PCDH17: variants seen among roughly 807,000 people sequenced by gnomAD.
PCDH17 encodes protocadherin 17.
In PCDH17, 21 loss-of-function variants were observed where a neutral mutation model predicts 67.7. That is an observed-to-expected ratio of 0.31 (90% CI 0.22 to 0.45). PCDH17 has a LOEUF of 0.45. Among genes scored for constraint, PCDH17 ranks in the 20% least tolerant of loss-of-function variants. The pLI, the probability that PCDH17 is intolerant of heterozygous loss-of-function variation, is 1.00. For missense variants in PCDH17, 1,471 were observed against 1,564.8 expected (o/e 0.94, Z 1.01); for synonymous variants, 701 against 656.7 (o/e 1.07, Z -1.03).
In PCDH17 at chr13:57,632,440, G is replaced by C. The variant is rs1954737587; in HGVS notation, c.-107G>C. On this transcript the variant is annotated 5_prime_UTR_variant, in exon 1 of 4. Coordinates refer to ENST00000377918, the MANE Select transcript of PCDH17 (RefSeq NM_001040429.3). ...GAGGGAAAAAAGGACCCATAGACTT[G>C]TGGCTCGCGTCGCGCGCGCACGCTG... The C allele has an allele frequency of 3.5e-6, 4 of 1,140,940 alleles. No homozygotes were observed. In the South Asian group the frequency reaches 6.3e-5, roughly 18 times the overall value. 70.7% of individuals were successfully genotyped at this position (1,140,940 alleles called of 1,614,324 possible). A position where few individuals can be genotyped will look rare whatever the true frequency, so the allele number is the denominator to read the frequency against.
intron 3 of PCDH17, among the ~76,000 whole-genome samples, chr13:57,701,872 T>A (rs549250136): frequency 6.6e-6 from 1 of 152,166 alleles, no homozygotes; most frequent in South Asian, 2.1e-4. Flanking sequence ...TTATTTTAAG[T>A]GTATTAAAGT....
chr13:57,721,747 C>T (rs930411915), intron 3 of PCDH17, among the ~76,000 whole-genome samples: 5 of 152,032 alleles, frequency 3.3e-5, no homozygotes, highest in African/African-American at 1.2e-4. Flanking sequence ...TCTCGTTTCC[C>T]TCCTTCCCTT....
chr13:57,690,973 T>A (rs1955553194), intron 3 of PCDH17, among the ~76,000 whole-genome samples: 1 of 151,456 alleles, frequency 6.6e-6, no homozygotes, highest in Non-Finnish European at 1.5e-5. Flanking sequence ...GCAGAATCAT[T>A]TTACAGACAT....
intron 1 of PCDH17, among the ~76,000 whole-genome samples, chr13:57,655,075 T>TA (rs1389998875): frequency 1.3e-5 from 2 of 151,932 alleles, no homozygotes; most frequent in African/African-American, 4.8e-5. Context: ...TTTATAGTCA[T>TA]AAAAAAGTAA....
chr13:57,650,773 T>C (rs769984819), intron 1 of PCDH17, among the ~76,000 whole-genome samples: 6 of 152,186 alleles, frequency 3.9e-5, no homozygotes, highest in African/African-American at 1.2e-4. Flanking sequence ...GTTGAACTTA[T>C]AGAGTTCAAT....
intron 1 of PCDH17, among the ~76,000 whole-genome samples, chr13:57,655,329 A>T (rs1593904690): frequency 6.6e-6 from 1 of 151,934 alleles, no homozygotes; most frequent in African/African-American, 2.4e-5. Context: ...ATGATTTAAT[A>T]TTTTGAGATG....
At chr13:57,644,536 G>A (rs1566218855) in intron 1 of PCDH17, among the ~76,000 whole-genome samples, 1 of 150,684 alleles carries the variant, frequency 6.6e-6, no homozygotes, top group Non-Finnish European at 1.5e-5. Flanking sequence ...TAAAAAAAAA[G>A]AAACATAATT....
intron 3 of PCDH17, among the ~76,000 whole-genome samples, chr13:57,676,943 C>G (rs570367724): frequency 6.6e-6 from 1 of 151,852 alleles, no homozygotes; most frequent in Non-Finnish European, 1.5e-5. Flanking sequence ...CAATGTATAA[C>G]TTTTCAAGCT....
chr13:57,697,774 AT>A (rs879888586), intron 3 of PCDH17, among the ~76,000 whole-genome samples: 2,916 of 145,482 alleles, frequency 0.02, 71 homozygotes, highest in African/African-American at 0.061. Context: ...AACAAAAGTG[AT>A]TTTTTTTTTT....
intron 3 of PCDH17, among the ~76,000 whole-genome samples, chr13:57,689,911 A>G (rs1405177304): frequency 6.6e-6 from 1 of 151,892 alleles, no homozygotes; most frequent in African/African-American, 2.4e-5. Context: ...TGCAGATAAT[A>G]TACTGTTAAA....
At chr13:57,673,307 G>T (rs1955347069) in intron 3 of PCDH17, among the ~76,000 whole-genome samples, 1 of 151,926 alleles carries the variant, frequency 6.6e-6, no homozygotes, top group Non-Finnish European at 1.5e-5. Context: ...TTGTTATCTT[G>T]CTATGCTTTA....
At chr13:57,654,612 A>T (rs1955082023) in intron 1 of PCDH17, among the ~76,000 whole-genome samples, 1 of 152,068 alleles carries the variant, frequency 6.6e-6, no homozygotes, top group African/African-American at 2.4e-5. Flanking sequence ...CAAAGAAAAA[A>T]TTGGAGATGC....
chr13:57,700,379 C>T (rs4303373), intron 3 of PCDH17, among the ~76,000 whole-genome samples: 58,469 of 148,470 alleles, frequency 0.39, 12,031 homozygotes, highest in East Asian at 0.57. Flanking sequence ...ATTGCAGTGG[C>T]GTGATCTTGG....
In PCDH17 at chr13:57,632,977, A is replaced by G; in HGVS notation, c.431A>G (p.Asn144Ser). 6.2e-7 allele frequency: 1 copy of G among 1,613,482 alleles called. No homozygotes were observed. The highest frequency in any genetic ancestry group is 2.2e-5 in the East Asian group (1 of 44,834). Residue 144 changes from asparagine to serine, a missense_variant, in exon 1 of 4, where the codon AAC (asparagine) becomes AGC (serine). Transcript: ENST00000377918. ...SDQIEMDISE[N>S]AAPGTRFPLT... is the part of the protein sequence containing the mutation. ...CAGATCGAAATGGACATCTCGGAGA[A>G]CGCTGCTCCGGGCACCCGCTTCCCC...
intron 1 of PCDH17, among the ~76,000 whole-genome samples, chr13:57,659,581 T>A (rs1226195759): frequency 6.6e-6 from 1 of 152,186 alleles, no homozygotes; most frequent in Admixed American, 6.5e-5. Context: ...AATACTCTTA[T>A]ATTATCTTAA....
chr13:57,697,680 T>C (rs1022204954), intron 3 of PCDH17, among the ~76,000 whole-genome samples: 3 of 151,596 alleles, frequency 2.0e-5, no homozygotes, highest in African/African-American at 7.2e-5. Context: ...AAAAATGGTA[T>C]TTAGAAGAAA....
At position 57,634,960 on chromosome 13, in the gene PCDH17, C is replaced by T; in HGVS notation, c.2414C>T (p.Pro805Leu). The T allele has an allele frequency of 1.2e-6, 2 of 1,613,946 alleles. No individual in the cohort carries two copies. The highest frequency in any genetic ancestry group is 1.7e-6 in the Non-Finnish European group (2 of 1,179,994). The change falls in exon 1 of 4, where the codon CCC becomes CTC. Residue 805 changes from proline (P) to leucine (L), a missense_variant. Pro to Leu is a moderately conservative substitution (Grantham distance 98, BLOSUM62 -3). Coordinates refer to ENST00000377918, the MANE Select transcript of PCDH17 (RefSeq NM_001040429.3). The surrounding 1 kb of genome is among the most constrained non-coding windows in gnomAD (Gnocchi z 7.8). ...PMYFDYQTRLPLSSPRSEVMY... is the reference protein window; with the variant it reads ...PMYFDYQTRLLLSSPRSEVMY... ...TACTTCGACTACCAGACCCGCCTGCCCCTCAGCTCGCCCCGGTCGGAGGTG... is the reference window on the plus strand; with the variant it reads ...TACTTCGACTACCAGACCCGCCTGCTCCTCAGCTCGCCCCGGTCGGAGGTG...
intron 3 of PCDH17, among the ~76,000 whole-genome samples, chr13:57,716,224 G>A (rs1955815639): frequency 6.6e-6 from 1 of 151,874 alleles, no homozygotes; most frequent in Non-Finnish European, 1.5e-5. Context: ...ATCAACCACC[G>A]AAATAATTCA....
intron 3 of PCDH17, among the ~76,000 whole-genome samples, chr13:57,713,004 A>C (rs1955789678): frequency 6.6e-6 from 1 of 151,600 alleles, no homozygotes; most frequent in African/African-American, 2.4e-5. Context: ...TGCATGATGC[A>C]TGGTAACATT....
Sources: gnomAD v4.1 joint callset for allele counts (sites outside exome capture counted in the v4.1 genomes callset) on GRCh38, gnomAD v4.1.1 for gene constraint, Gnocchi (gnomAD v3.1) non-coding constraint, MANE v1.5 for transcripts, NCBI Gene and HGNC (gene_info 2026-07-23, HGNC 2026-07-21) for gene names.